Variants in CTNNA3 observed in about 807,000 individuals in gnomAD.
The protein encoded by CTNNA3 is catenin alpha-3.
A neutral mutation model predicts 95.7 loss-of-function variants in CTNNA3; 76 were observed. The observed-to-expected ratio is 0.79, with a 90% confidence interval of 0.66 to 0.96. The LOEUF is 0.96. Ranked by LOEUF, CTNNA3 falls within the 40% of genes least tolerant of loss-of-function variation. The probability of loss-of-function intolerance (pLI) is 0.00; values close to 1 mark genes in which losing one functional copy is unlikely to be tolerated. For missense variants in CTNNA3, 1,191 were observed against 1,089.8 expected, an observed-to-expected ratio of 1.09 and a Z score of -1.31; for synonymous variants, 431 against 374.4, an observed-to-expected ratio of 1.15 and a Z score of -1.74.
intron 1 of CTNNA3, among the ~76,000 whole-genome samples, chr10:67,679,744 C>T (rs1210856119): frequency 6.6e-6 from 1 of 151,884 alleles, no homozygotes; most frequent in Non-Finnish European, 1.5e-5. Flanking sequence ...ATTTTCTTTG[C>T]CAAGATAAAG....
intron 14 of CTNNA3, among the ~76,000 whole-genome samples, chr10:66,100,170 C>T (rs545016550): frequency 3.9e-5 from 6 of 152,228 alleles, no homozygotes; most frequent in African/African-American, 1.4e-4. Context: ...AGTCTAAAGA[C>T]ACAGTATCAA....
At chr10:66,541,274 C>G (rs1841842452) in intron 10 of CTNNA3, among the ~76,000 whole-genome samples, 1 of 152,132 alleles carries the variant, frequency 6.6e-6, no homozygotes, top group Non-Finnish European at 1.5e-5. Flanking sequence ...GCTCAGTCTT[C>G]CAGAGCTCTA....
At chr10:66,103,290 A>T in intron 13 of CTNNA3, 41 bp from the exon 14 acceptor site, 1 of 1,505,504 alleles carries the variant, frequency 6.6e-7, no homozygotes, top group Non-Finnish European at 9.3e-7. Context: ...GGAATGTAAA[A>T]GCATTTCTTC....
chr10:67,626,695 A>G (rs1181826130), intron 2 of CTNNA3, among the ~76,000 whole-genome samples: 2 of 151,850 alleles, frequency 1.3e-5, no homozygotes, highest in African/African-American at 4.8e-5. Context: ...CAGGTCTGAA[A>G]TCTCTACTCT....
intron 9 of CTNNA3, among the ~76,000 whole-genome samples, 196 bp from the exon 10 acceptor site, chr10:66,621,980 A>G (rs772559738): frequency 3.3e-5 from 5 of 152,180 alleles, no homozygotes; most frequent in Non-Finnish European, 7.4e-5. Flanking sequence ...AAGGACCTAG[A>G]TAATTGTTTA....
chr10:66,742,260 G>C (rs1450959539), intron 9 of CTNNA3, among the ~76,000 whole-genome samples: 1 of 152,060 alleles, frequency 6.6e-6, no homozygotes, highest in Non-Finnish European at 1.5e-5. Context: ...AATAAGCCCT[G>C]GTCTCCCATA....
At chr10:66,764,662 C>G (rs180900896) in intron 9 of CTNNA3, among the ~76,000 whole-genome samples, 16 of 152,238 alleles carry the variant, frequency 1.1e-4, no homozygotes, top group Admixed American at 7.2e-4. Context: ...TTAGAGAACA[C>G]ATTTTTAGAT....
intron 7 of CTNNA3, among the ~76,000 whole-genome samples, chr10:66,906,847 G>A (rs933920609): frequency 1.3e-5 from 2 of 151,962 alleles, no homozygotes; most frequent in African/African-American, 4.8e-5. Context: ...TGAGGGTGGG[G>A]TATAACTGGG....
intron 7 of CTNNA3, among the ~76,000 whole-genome samples, chr10:67,031,673 T>C (rs1364090231): frequency 1.3e-5 from 2 of 152,178 alleles, no homozygotes; most frequent in African/African-American, 4.8e-5. Flanking sequence ...ACTGTCAGAA[T>C]TAACAAATTG....
intron 9 of CTNNA3, among the ~76,000 whole-genome samples, chr10:66,743,258 G>C (rs539688325): frequency 2.0e-5 from 3 of 152,218 alleles, no homozygotes; most frequent in African/African-American, 7.2e-5. Context: ...AGGCATCATT[G>C]TATCCATGTA....
chr10:67,436,925 A>C (rs1012384366), intron 5 of CTNNA3, among the ~76,000 whole-genome samples: 2 of 152,216 alleles, frequency 1.3e-5, no homozygotes, highest in South Asian at 4.1e-4. Flanking sequence ...AGATTTCTTA[A>C]AGAACTGAAA....
At chr10:66,049,947 AGAT>A (rs1333175850) in intron 15 of CTNNA3, among the ~76,000 whole-genome samples, 2 of 152,198 alleles carry the variant, frequency 1.3e-5, no homozygotes, top group African/African-American at 4.8e-5. Flanking sequence ...TTAAAATAAA[AGAT>A]TTTTAAGGCC....
rs116375497 is a variant in CTNNA3 at position 66,611,401 on chromosome 10, A to C, written c.1374+10291T>G. ...AATATCATATGTACCCCCAAAATAT[A>C]TATAACTATGATATACCAATTAATA... On this transcript the variant is annotated intron_variant, in intron 10 of 17. Transcript: ENST00000433211. 6.3e-3 allele frequency among the ~76,000 whole-genome samples: 958 copies of C among 152,216 alleles called. 7 individuals are homozygous for C. Among genetic ancestry groups the C allele is most frequent in the African/African-American group, 0.021 (886 of 41,556 alleles).
chr10:66,429,575 C>T (rs2093276095), intron 11 of CTNNA3, among the ~76,000 whole-genome samples: 1 of 152,172 alleles, frequency 6.6e-6, no homozygotes, highest in Admixed American at 6.5e-5. Flanking sequence ...GGCTTCATCC[C>T]TGGGATGCAA....
intron 1 of CTNNA3, among the ~76,000 whole-genome samples, chr10:67,738,636 A>T (rs1475202076): frequency 6.6e-6 from 1 of 151,680 alleles, no homozygotes; most frequent in African/African-American, 2.4e-5. Flanking sequence ...TGATCAAACT[A>T]CTCTGAGCTA....
At chr10:66,752,193 A>T (rs1406538939) in intron 9 of CTNNA3, among the ~76,000 whole-genome samples, 1 of 152,158 alleles carries the variant, frequency 6.6e-6, no homozygotes, top group Non-Finnish European at 1.5e-5. Context: ...TGATTTCATA[A>T]CTTACTATAA....
intron 7 of CTNNA3, among the ~76,000 whole-genome samples, chr10:66,921,579 C>T (rs2132601942): frequency 6.6e-6 from 1 of 152,210 alleles, no homozygotes; most frequent in African/African-American, 2.4e-5. Context: ...GATCTGCTTC[C>T]ACATTAGGCC....
In CTNNA3 at chr10:67,740,489, G is replaced by C. The variant is rs190648828; in HGVS notation, c.-2+22945C>G. ...AAAAAACAAACAACCCCATCAAAAGGTGGGCAAAGGACATGAACAGACACT... is the reference window on the plus strand; with the variant it reads ...AAAAAACAAACAACCCCATCAAAAGCTGGGCAAAGGACATGAACAGACACT... On this transcript the variant is annotated intron_variant, in intron 1 of 17. Coordinates refer to the CTNNA3 transcript ENST00000684154. Among the ~76,000 whole-genome samples, 7 of 151,342 alleles carry C rather than the reference G, an allele frequency of 4.6e-5. No individual in the cohort carries two copies. The Middle Eastern group carries it at 0.01, about 225-fold the overall frequency.
At chr10:67,095,911 C>A (rs1364977729) in intron 7 of CTNNA3, among the ~76,000 whole-genome samples, 1 of 151,788 alleles carries the variant, frequency 6.6e-6, no homozygotes, top group South Asian at 2.1e-4. Context: ...TCATCTGTGA[C>A]AACAAGATTC....
Sources: gnomAD v4.1 joint callset for allele counts (sites outside exome capture counted in the v4.1 genomes callset) on GRCh38, gnomAD v4.1.1 for gene constraint, MANE v1.5 for transcripts, NCBI Gene and HGNC (gene_info 2026-07-23, HGNC 2026-07-21) for gene names.